Variants in KIAA1671 observed in about 807,000 individuals in gnomAD.
KIAA1671 encodes uncharacterized protein KIAA1671.
A neutral mutation model predicts 131.2 loss-of-function variants in KIAA1671; 52 were observed. That is an observed-to-expected ratio of 0.40 (90% CI 0.32 to 0.50). The LOEUF (loss-of-function observed/expected upper bound fraction) is 0.50. KIAA1671 is among the 20% of genes least tolerant of loss of function. The pLI is 0.73. For missense variants in KIAA1671, 2,360 were observed against 2,364.2 expected (o/e 1.00, Z 0.04); for synonymous variants, 1,003 against 961.6 (o/e 1.04, Z -0.80).
intron 7 of KIAA1671, among the ~76,000 whole-genome samples, chr22:25,172,007 A>C (rs951065209): frequency 1.3e-5 from 2 of 152,234 alleles, no homozygotes; most frequent in Admixed American, 1.3e-4. Context: ...GATAGAATTG[A>C]AAATGGATAA....
chr22:25,189,755 A>G (rs1277825303), intron 11 of KIAA1671, among the ~76,000 whole-genome samples: 1 of 147,150 alleles, frequency 6.8e-6, no homozygotes, highest in Non-Finnish European at 1.5e-5. Context: ...AAATAATTTT[A>G]TATAGGACGA....
At chr22:25,021,760 G>A (rs762382957) in intron 1 of KIAA1671, among the ~76,000 whole-genome samples, 48 of 151,966 alleles carry the variant, frequency 3.2e-4, no homozygotes, top group Non-Finnish European at 4.1e-4. Flanking sequence ...GGACACCAGC[G>A]TGCACTTTGC....
chr22:25,056,075 C>T (rs1243183305), intron 6 of KIAA1671: 1 of 146,650 alleles, frequency 6.8e-6, no homozygotes, highest in East Asian at 2.0e-4. Context: ...GCCATATTGC[C>T]CAGGTTGGTC....
rs147133538 is a variant in KIAA1671 at position 25,192,662 on chromosome 22, C to T, written c.*261C>T. On this transcript the variant is annotated 3_prime_UTR_variant, in exon 13 of 13. Coordinates refer to ENST00000358431, the MANE Select transcript of KIAA1671 (RefSeq NM_001145206.2). ...GGAAAGGAGCCAGGCTGCCCAGAAA[C>T]GTCCATGTGGGTGGTTTTGCTTTTT... 9 of 152,354 alleles carry T rather than the reference C, an allele frequency of 5.9e-5. No homozygotes were observed. In the East Asian group the frequency reaches 1.2e-3, roughly 20 times the overall value. 9.4% of individuals were successfully genotyped at this position (152,354 alleles called of 1,614,324 possible). A position where few individuals can be genotyped will look rare whatever the true frequency, so the allele number is the denominator to read the frequency against.
intron 6 of KIAA1671, among the ~76,000 whole-genome samples, chr22:25,101,110 G>A (rs149761283): frequency 1.8e-4 from 28 of 152,298 alleles, no homozygotes; most frequent in Non-Finnish European, 3.1e-4. Flanking sequence ...TCGCTGTGGT[G>A]GAAAGAAACG....
At chr22:25,137,219 A>T (rs983612431) in intron 6 of KIAA1671, among the ~76,000 whole-genome samples, 2 of 152,190 alleles carry the variant, frequency 1.3e-5, no homozygotes, top group African/African-American at 4.8e-5. Flanking sequence ...TTCTGATTTC[A>T]TCTTTGCTGT....
chr22:25,000,213 A>AGCTTTC (rs1924379502), intron 1 of KIAA1671, among the ~76,000 whole-genome samples: 2 of 6,812 alleles, frequency 2.9e-4, no homozygotes, highest in African/African-American at 1.9e-3. Flanking sequence ...TTTTTTTTTG[A>AGCTTTC]GACGGAGTCT....
At chr22:25,164,672 C>G (rs185113482) in intron 6 of KIAA1671, among the ~76,000 whole-genome samples, 1 of 151,980 alleles carries the variant, frequency 6.6e-6, no homozygotes, top group Non-Finnish European at 1.5e-5. Context: ...TGCAGGGGCC[C>G]GGTATGGTGG....
intron 2 of KIAA1671, among the ~76,000 whole-genome samples, chr22:25,027,567 C>G (rs1926016991): frequency 6.6e-6 from 1 of 152,214 alleles, no homozygotes; most frequent in South Asian, 2.1e-4. Context: ...CTGACTTCGC[C>G]TCTTGCTTCC....
chr22:25,003,141 A>G (rs551812284), intron 1 of KIAA1671, among the ~76,000 whole-genome samples: 2 of 152,250 alleles, frequency 1.3e-5, no homozygotes, highest in Non-Finnish European at 2.9e-5. Context: ...AGAAGGCAAC[A>G]CAGTAAAGGA....
chr22:24,977,787 T>A (rs1175773582), intron 1 of KIAA1671, among the ~76,000 whole-genome samples: 4 of 152,234 alleles, frequency 2.6e-5, no homozygotes, highest in African/African-American at 9.6e-5. Flanking sequence ...TATTTATTGC[T>A]GAGTTGGCCT....
chr22:25,152,865 A>G (rs1933096277), intron 6 of KIAA1671, among the ~76,000 whole-genome samples: 1 of 152,036 alleles, frequency 6.6e-6, no homozygotes, highest in Admixed American at 6.6e-5. Context: ...TCGGCCTCCC[A>G]AAGTGCTGGG....
At chr22:24,986,933 A>C (rs990248176) in intron 1 of KIAA1671, among the ~76,000 whole-genome samples, 1 of 151,720 alleles carries the variant, frequency 6.6e-6, no homozygotes, top group East Asian at 1.9e-4. Flanking sequence ...CCTGTAGAGG[A>C]CCAGATAGTA....
chr22:25,049,214 G>C lies in KIAA1671; in HGVS notation c.4396-16G>C. 2 of 1,550,006 alleles carry C rather than the reference G, an allele frequency of 1.3e-6. No individual in the cohort carries two copies. Among genetic ancestry groups the C allele is most frequent in the Non-Finnish European group, 1.7e-6 (2 of 1,145,638 alleles). Reference sequence around the variant, plus strand: ...AGGCTCCCAGTAAAGTCCTTTTCTTGTGCTCTGTGTTTCAGGTGCTGCCAC... The same window carrying C: ...AGGCTCCCAGTAAAGTCCTTTTCTTCTGCTCTGTGTTTCAGGTGCTGCCAC... On this transcript the variant is annotated splice_polypyrimidine_tract_variant and intron_variant, in intron 5 of 12. Coordinates refer to ENST00000358431, the MANE Select transcript of KIAA1671 (RefSeq NM_001145206.2).
At chr22:25,115,864 C>A (rs979013707) in intron 6 of KIAA1671, among the ~76,000 whole-genome samples, 1 of 152,150 alleles carries the variant, frequency 6.6e-6, no homozygotes. Context: ...GCAACCTCCA[C>A]CTCCCAGGTT....
chr22:25,130,246 C>G (rs1043476188), intron 6 of KIAA1671, among the ~76,000 whole-genome samples: 3 of 152,164 alleles, frequency 2.0e-5, no homozygotes, highest in Non-Finnish European at 4.4e-5. Flanking sequence ...TGAGTTTTGA[C>G]AAATGCACAT....
intron 6 of KIAA1671, chr22:25,062,012 T>C (rs1928185186): frequency 6.6e-6 from 1 of 152,036 alleles, no homozygotes; most frequent in Non-Finnish European, 1.5e-5. Flanking sequence ...CCTCTTCCAT[T>C]TTTATCTCTT....
chr22:25,068,750 TTAAG>T (rs375011244), intron 6 of KIAA1671, among the ~76,000 whole-genome samples: 1 of 152,268 alleles, frequency 6.6e-6, no homozygotes, highest in East Asian at 1.9e-4. Flanking sequence ...CTCTCCTTAT[TTAAG>T]TGAGTTTCCT....
At chr22:25,065,914 C>T (rs879086977) in intron 6 of KIAA1671, among the ~76,000 whole-genome samples, 1 of 152,232 alleles carries the variant, frequency 6.6e-6, no homozygotes, top group African/African-American at 2.4e-5. Flanking sequence ...GCTGGTATTA[C>T]AAGTGTGAGC....
Sources: gnomAD v4.1 joint callset for allele counts (sites outside exome capture counted in the v4.1 genomes callset) on GRCh38, gnomAD v4.1.1 for gene constraint, MANE v1.5 for transcripts, NCBI Gene and HGNC (gene_info 2026-07-23, HGNC 2026-07-21) for gene names.